Variants in PALLD observed in about 807,000 individuals in gnomAD.
PALLD encodes the protein palladin, cytoskeletal associated protein, also known as palladin.
A neutral mutation model predicts 123.5 loss-of-function variants in PALLD; 61 were observed. The observed-to-expected ratio is 0.49, with a 90% CI of 0.40 to 0.61. PALLD has a LOEUF of 0.61. Among genes scored for constraint, PALLD ranks in the 20% least tolerant of loss-of-function variants. The pLI is 0.00. For missense variants in PALLD, 1,273 were observed against 1,377.0 expected, an observed-to-expected ratio of 0.92 and a Z score of 1.20; for synonymous variants, 465 against 496.4, an observed-to-expected ratio of 0.94 and a Z score of 0.84.
In PALLD at chr4:168,545,389, C is replaced by T. The variant is rs960820336; in HGVS notation, c.908+32977C>T. 2.0e-5 allele frequency among the ~76,000 whole-genome samples: 3 copies of T among 151,874 alleles called. No individual in the cohort carries two copies. The East Asian group carries it at 5.8e-4, about 29-fold the overall frequency. On this transcript the variant is annotated intron_variant, in intron 2 of 21. Coordinates refer to ENST00000505667, the MANE Select transcript of PALLD (RefSeq NM_001166108.2). ...TAAAAGTATAAAAAAATTAGCCGGGCGAGGTGGCAGGTGCCTGTAATCCCA... is the reference window on the plus strand; with the variant it reads ...TAAAAGTATAAAAAAATTAGCCGGGTGAGGTGGCAGGTGCCTGTAATCCCA...
chr4:168,685,847 G>C (rs769855662), intron 6 of PALLD, among the ~76,000 whole-genome samples: 1 of 147,856 alleles, frequency 6.8e-6, no homozygotes, highest in Admixed American at 6.8e-5. Flanking sequence ...CTGCTGTGTA[G>C]GAAATTGCTT....
intron 10 of PALLD, among the ~76,000 whole-genome samples, chr4:168,742,223 C>T (rs1788421819): frequency 6.6e-6 from 1 of 152,192 alleles, no homozygotes; most frequent in South Asian, 2.1e-4. Flanking sequence ...TCCATCTCTC[C>T]GTCCTTCTTG....
intron 10 of PALLD, among the ~76,000 whole-genome samples, chr4:168,845,575 T>C (rs907579626): frequency 3.9e-5 from 6 of 152,238 alleles, no homozygotes; most frequent in Non-Finnish European, 8.8e-5. Context: ...ATGTAGGTGA[T>C]GTGCAAATGC....
chr4:168,513,376 T>C (rs1197989517), intron 2 of PALLD, among the ~76,000 whole-genome samples: 1 of 152,214 alleles, frequency 6.6e-6, no homozygotes, highest in Non-Finnish European at 1.5e-5. Context: ...CATACCACCA[T>C]GTTCATTAGA....
At chr4:168,597,533 C>G (rs1306540127) in intron 2 of PALLD, among the ~76,000 whole-genome samples, 1 of 152,052 alleles carries the variant, frequency 6.6e-6, no homozygotes. Flanking sequence ...TAGCTCTCTA[C>G]TAACTTTTCC....
chr4:168,631,601 C>T (rs1326413273), intron 2 of PALLD: 2 of 985,496 alleles, frequency 2.0e-6, no homozygotes, highest in Non-Finnish European at 2.4e-6. Context: ...ACGCGCCCCT[C>T]GGCGAGACGC....
chr4:168,893,697 T>C (rs1283682962), intron 11 of PALLD, among the ~76,000 whole-genome samples: 1 of 152,194 alleles, frequency 6.6e-6, no homozygotes, highest in Non-Finnish European at 1.5e-5. Context: ...TAAGGCACTT[T>C]AGAATGAGTA....
chr4:168,609,113 C>T (rs894887320), intron 2 of PALLD, among the ~76,000 whole-genome samples: 8 of 152,016 alleles, frequency 5.3e-5, no homozygotes, highest in East Asian at 1.9e-4. Context: ...TTTATTCAGA[C>T]GCTGTGGCTC....
At chr4:168,889,699 G>A (rs974261136) in intron 10 of PALLD, among the ~76,000 whole-genome samples, 2 of 152,114 alleles carry the variant, frequency 1.3e-5, no homozygotes, top group African/African-American at 4.8e-5. Context: ...TACCATGTAT[G>A]TATGCTCCCC....
chr4:168,871,163 T>C (rs958075387), intron 10 of PALLD, among the ~76,000 whole-genome samples: 1 of 152,280 alleles, frequency 6.6e-6, no homozygotes, highest in South Asian at 2.1e-4. Flanking sequence ...TACCACTGTT[T>C]TGGATGTATT....
In PALLD at chr4:168,768,749, T is replaced by G. The variant is rs367609506; in HGVS notation, c.1964+56826T>G. Among the ~76,000 whole-genome samples the G allele has an allele frequency of 7.2e-5, 11 of 152,286 alleles. No homozygotes were observed. The East Asian group carries it at 1.2e-3, about 16-fold the overall frequency. ...GTGCAGTGATGCCATCTCGGCTCACTGCAACCTCCGCCTCCTGGGTTCAAG... is the reference window on the plus strand; with the variant it reads ...GTGCAGTGATGCCATCTCGGCTCACGGCAACCTCCGCCTCCTGGGTTCAAG... On this transcript the variant is annotated intron_variant, in intron 10 of 21. Transcript: ENST00000505667.
chr4:168,848,030 G>A (rs937370331), intron 10 of PALLD, among the ~76,000 whole-genome samples: 6 of 152,024 alleles, frequency 3.9e-5, no homozygotes, highest in Admixed American at 1.3e-4. Flanking sequence ...CCAGAATTTA[G>A]CCTAATCTAC....
intron 2 of PALLD, among the ~76,000 whole-genome samples, chr4:168,605,250 GA>G (rs1773052546): frequency 2.3e-5 from 2 of 87,164 alleles, no homozygotes; most frequent in African/African-American, 1.4e-4. Context: ...TCATTTGGGG[GA>G]TTAAAAAAAA....
chr4:168,686,486 C>G (rs1171780163), intron 6 of PALLD: 1 of 152,182 alleles, frequency 6.6e-6, no homozygotes, highest in African/African-American at 2.4e-5. Flanking sequence ...GTTTGGTTTT[C>G]TGTTCCTGTG....
chr4:168,837,661 C>T (rs576329733), intron 10 of PALLD, among the ~76,000 whole-genome samples: 3 of 152,306 alleles, frequency 2.0e-5, no homozygotes, highest in African/African-American at 7.2e-5. Context: ...TATCAGCACT[C>T]CCATCTTAAA....
chr4:168,648,139 C>G (rs897546385), intron 2 of PALLD: 1 of 151,996 alleles, frequency 6.6e-6, no homozygotes, highest in Non-Finnish European at 1.5e-5. Context: ...CAGAGAGCAC[C>G]AGAGGCAGTT....
chr4:168,569,232 C>A (rs927856304), intron 2 of PALLD, among the ~76,000 whole-genome samples: 5 of 152,140 alleles, frequency 3.3e-5, no homozygotes, highest in Non-Finnish European at 5.9e-5. Context: ...GGCAGCCACT[C>A]CCCTCTACAT....
Position 168,816,318 on chromosome 4 carries a change from G to A in PALLD, c.1965-74604G>A, listed in dbSNP as rs111420133. 2.5e-3 allele frequency among the ~76,000 whole-genome samples: 384 copies of A among 150,992 alleles called. 2 individuals carry two copies. The highest frequency in any genetic ancestry group is 8.5e-3 in the African/African-American group (351 of 41,186). On this transcript the variant is annotated intron_variant, in intron 10 of 21. Transcript: ENST00000505667. ...CATTTATTGAAAATGTGTGTTCTTCGCTTAGGAACCCAGAGCTTTACTTTG... is the reference window on the plus strand; with the variant it reads ...CATTTATTGAAAATGTGTGTTCTTCACTTAGGAACCCAGAGCTTTACTTTG...
intron 2 of PALLD, among the ~76,000 whole-genome samples, chr4:168,666,644 C>T (rs1230469052): frequency 1.3e-5 from 2 of 151,946 alleles, no homozygotes; most frequent in African/African-American, 4.8e-5. Flanking sequence ...AACGATAGGG[C>T]CAAGTTATAT....
Sources: allele counts gnomAD v4.1 joint callset (sites outside exome capture counted in the v4.1 genomes callset), GRCh38; gene constraint gnomAD v4.1.1; transcripts MANE v1.5; gene names NCBI Gene and HGNC (gene_info 2026-07-23, HGNC 2026-07-21).